Variants in GRHL2 observed in about 807,000 individuals in gnomAD.
GRHL2 encodes grainyhead like transcription factor 2.
GRHL2 carries 21 observed loss-of-function variants against 83.8 expected under a neutral mutation model. The ratio of observed to expected loss-of-function variants is 0.25; its 90% confidence interval spans 0.18 to 0.36. GRHL2 has a LOEUF of 0.36. GRHL2 is among the 10% of genes least tolerant of loss of function. GRHL2 has a pLI of 1.00. For missense variants in GRHL2, 623 were observed against 781.8 expected, an observed-to-expected ratio of 0.80 and a Z score of 2.42; for synonymous variants, 280 against 278.9, an observed-to-expected ratio of 1.00 and a Z score of -0.04.
downstream of GRHL2, among the ~76,000 whole-genome samples, chr8:101,670,821 A>ACTCT: frequency 6.6e-6 from 1 of 152,054 alleles, no homozygotes; most frequent in East Asian, 1.9e-4. Context: ...CTTGTCTCCC[A>ACTCT]CTCTCTACAC....
chr8:101,619,881 CTAT>C (rs1225333348), intron 9 of GRHL2, among the ~76,000 whole-genome samples, 184 bp downstream of exon 9: 2 of 118,846 alleles, frequency 1.7e-5, no homozygotes, highest in Non-Finnish European at 3.4e-5. Context: ...CTTCAGTCAA[CTAT>C]TTTTTTTTTT....
At chr8:101,651,905 C>A (rs766083649) in intron 14 of GRHL2, among the ~76,000 whole-genome samples, 18 of 152,194 alleles carry the variant, frequency 1.2e-4, no homozygotes, top group Non-Finnish European at 2.6e-4. Context: ...CTAAGTTATG[C>A]AAATGGGAAA....
chr8:101,514,689 G>C lies in GRHL2; in HGVS notation c.20+21900G>C, dbSNP rs76946513. 8.1e-3 allele frequency among the ~76,000 whole-genome samples: 1,235 copies of C among 152,324 alleles called. 14 individuals are homozygous for C. The highest frequency in any genetic ancestry group is 0.028 in the African/African-American group (1,170 of 41,562). ...GGTGCCTGCTAGTGGCTGCCACAAAGTGAAAGTTTCCTAACAACTCGAGCT... is the reference window on the plus strand; with the variant it reads ...GGTGCCTGCTAGTGGCTGCCACAAACTGAAAGTTTCCTAACAACTCGAGCT... On this transcript the variant is annotated intron_variant, in intron 1 of 15. Transcript: ENST00000646743.
At chr8:101,528,077 A>G (rs1328541460) in intron 1 of GRHL2, among the ~76,000 whole-genome samples, 1 of 152,114 alleles carries the variant, frequency 6.6e-6, no homozygotes, top group Non-Finnish European at 1.5e-5. Context: ...TTTCAGCTGT[A>G]AGACATTATT....
chr8:101,520,971 C>T (rs1026364126), intron 1 of GRHL2, among the ~76,000 whole-genome samples: 2 of 152,122 alleles, frequency 1.3e-5, no homozygotes, highest in Non-Finnish European at 2.9e-5. Context: ...CCTAAGCAGC[C>T]CCATCTCAAT....
chr8:101,672,948 A>G (rs1814233285), downstream of GRHL2, among the ~76,000 whole-genome samples: 1 of 151,844 alleles, frequency 6.6e-6, no homozygotes. Context: ...ATGTCCAGCC[A>G]AACTAAGCTT....
In GRHL2 at chr8:101,575,182, G is replaced by T. The variant is rs1811908403; in HGVS notation, c.891+1358G>T. The stretch of plus-strand genomic sequence containing the variant: ...TCCCCCTCTTGTATATGAGCATCTG[G>T]TAAGAAGACACTGAATAAATTAGCT... On this transcript the variant is annotated intron_variant, in intron 6 of 15. Transcript: ENST00000646743. Among the ~76,000 whole-genome samples the T allele has an allele frequency of 6.6e-5, 10 of 151,866 alleles. No individual in the cohort carries two copies. In the South Asian group the frequency reaches 2.1e-3, roughly 32 times the overall value.
intron 1 of GRHL2, among the ~76,000 whole-genome samples, chr8:101,539,889 T>C (rs1811117732): frequency 6.6e-6 from 1 of 152,194 alleles, no homozygotes; most frequent in South Asian, 2.1e-4. Context: ...ACCCATGTCC[T>C]TTCTCACACG....
intron 1 of GRHL2, among the ~76,000 whole-genome samples, chr8:101,520,656 C>T (rs1173981215): frequency 6.6e-6 from 1 of 152,170 alleles, no homozygotes; most frequent in Non-Finnish European, 1.5e-5. Flanking sequence ...AAAGACCTCA[C>T]ATGAGTACCC....
chr8:101,584,457 T>A (rs1165620844), intron 7 of GRHL2, among the ~76,000 whole-genome samples: 5 of 152,208 alleles, frequency 3.3e-5, no homozygotes, highest in Non-Finnish European at 7.3e-5. Flanking sequence ...AAGAGACTCT[T>A]GATCACAGAC....
At chr8:101,598,921 G>T (rs1749493587) in intron 7 of GRHL2, 136 bp from the exon 8 acceptor site, 2 of 684,864 alleles carry the variant, frequency 2.9e-6, no homozygotes, top group African/African-American at 3.5e-5. Flanking sequence ...GTGAGCACCA[G>T]TCCTTAACTG....
At chr8:101,593,696 T>G (rs1192407808) in intron 7 of GRHL2, among the ~76,000 whole-genome samples, 1 of 151,950 alleles carries the variant, frequency 6.6e-6, no homozygotes, top group Non-Finnish European at 1.5e-5. Context: ...TCTTTGCAGA[T>G]TGTGATTAAG....
chr8:101,552,354 C>T (rs540740976), intron 2 of GRHL2, among the ~76,000 whole-genome samples: 146 of 152,300 alleles, frequency 9.6e-4, no homozygotes, highest in African/African-American at 3.0e-3. Flanking sequence ...ATGTTTTTGT[C>T]TGATCAAAGG....
intron 11 of GRHL2, among the ~76,000 whole-genome samples, chr8:101,635,271 A>G (rs1391156939): frequency 6.6e-6 from 1 of 152,228 alleles, no homozygotes; most frequent in Non-Finnish European, 1.5e-5. Context: ...TATGCACTCT[A>G]AAGTTTGAAA....
chr8:101,562,182 C>T (rs928568941), intron 4 of GRHL2: 33 of 612,980 alleles, frequency 5.4e-5, no homozygotes, highest in Non-Finnish European at 8.7e-5. Context: ...TTTAGCTTGG[C>T]GTTTCTGTTT....
intron 2 of GRHL2, among the ~76,000 whole-genome samples, chr8:101,546,397 C>T (rs1014740209): frequency 2.7e-5 from 4 of 149,926 alleles, no homozygotes; most frequent in Admixed American, 6.6e-5. Flanking sequence ...TATCCTGAAA[C>T]AAACATAATT....
intron 7 of GRHL2, among the ~76,000 whole-genome samples, chr8:101,591,310 C>G (rs986859203): frequency 5.9e-5 from 9 of 152,192 alleles, no homozygotes; most frequent in African/African-American, 1.9e-4. Flanking sequence ...TTCCCCAACA[C>G]TGACACCTCT....
intron 13 of GRHL2, among the ~76,000 whole-genome samples, chr8:101,645,605 C>T (rs755845060): frequency 1.3e-5 from 2 of 152,116 alleles, no homozygotes; most frequent in Admixed American, 1.3e-4. Flanking sequence ...TGCTCCTCGG[C>T]GTCCTCATCT....
chr8:101,659,615 C>G (rs1418915987), intron 14 of GRHL2, among the ~76,000 whole-genome samples: 5 of 152,158 alleles, frequency 3.3e-5, no homozygotes, highest in Non-Finnish European at 2.9e-5. Context: ...CGCTCAGAGC[C>G]CTCTGGATGC....
Sources: allele counts gnomAD v4.1 joint callset (sites outside exome capture counted in the v4.1 genomes callset), GRCh38; gene constraint gnomAD v4.1.1; transcripts MANE v1.5; gene names NCBI Gene and HGNC (gene_info 2026-07-23, HGNC 2026-07-21).